Variants in IFT88 observed in about 807,000 individuals in gnomAD.
The protein encoded by IFT88 is intraflagellar transport protein 88 homolog.
IFT88 carries 74 observed loss-of-function variants against 119.5 expected under a neutral mutation model. That is an observed-to-expected ratio of 0.62 (90% confidence interval 0.51 to 0.75). The LOEUF (loss-of-function observed/expected upper bound fraction) is 0.75. Ranked by LOEUF, IFT88 falls within the 30% of genes least tolerant of loss-of-function variation. The probability of loss-of-function intolerance (pLI) is 0.00; values close to 1 mark genes in which losing one functional copy is unlikely to be tolerated. For synonymous variants in IFT88, 279 were observed against 316.7 expected, an observed-to-expected ratio of 0.88 and a Z score of 1.26; for missense variants, 961 against 977.7, an observed-to-expected ratio of 0.98 and a Z score of 0.23.
chr13:20,670,756 T>C (rs1186854873), intron 23 of IFT88, among the ~76,000 whole-genome samples: 1 of 152,104 alleles, frequency 6.6e-6, no homozygotes, highest in Non-Finnish European at 1.5e-5. Flanking sequence ...TAAAGTGCTA[T>C]ACGAGTTTTC....
chr13:20,654,377 G>A (rs551345993), intron 21 of IFT88, among the ~76,000 whole-genome samples: 2 of 152,302 alleles, frequency 1.3e-5, no homozygotes, highest in Admixed American at 1.3e-4. Flanking sequence ...GGCTATCTTG[G>A]TTTGTGTTTT....
Position 20,691,287 on chromosome 13 carries a change from T to A in IFT88, c.*112T>A. 1 of 976,922 alleles carries A rather than the reference T, an allele frequency of 1.0e-6. No individual in the cohort carries two copies. The highest frequency in any genetic ancestry group is 1.5e-6 in the Non-Finnish European group (1 of 676,404). The allele number at this position is 976,922 out of a possible 1,614,324, so 60.5% of individuals were successfully genotyped here. On this transcript the variant is annotated 3_prime_UTR_variant, in exon 26 of 26. Coordinates refer to ENST00000351808, the MANE Select transcript of IFT88 (RefSeq NM_006531.5). ...ATTATTTTTTTTCACTGTCAAAACT[T>A]AAGTAAGTGTATTCTATTCTGTATG...
chr13:20,630,885 G>T, intron 15 of IFT88, 131 bp from the exon 16 acceptor site: 25 of 500,042 alleles, frequency 5.0e-5, no homozygotes, highest in South Asian at 2.6e-4. Flanking sequence ...CTGTTTTCTT[G>T]AACATCTTAA....
chr13:20,673,343 A>T (rs1011097193), intron 24 of IFT88, among the ~76,000 whole-genome samples: 1 of 152,150 alleles, frequency 6.6e-6, no homozygotes, highest in African/African-American at 2.4e-5. Context: ...TCCTAATGGG[A>T]TGTGATAGAA....
intron 19 of IFT88, 78 bp from the exon 20 acceptor site, chr13:20,644,765 C>A: frequency 3.1e-6 from 2 of 651,224 alleles, no homozygotes; most frequent in Non-Finnish European, 5.5e-6. Context: ...TAAATTTATT[C>A]AATAGGTAAA....
intron 16 of IFT88, among the ~76,000 whole-genome samples, chr13:20,632,708 C>T (rs1206812924): frequency 6.6e-6 from 1 of 152,190 alleles, no homozygotes; most frequent in South Asian, 2.1e-4. Context: ...TTTGTACTTA[C>T]AGCATTGTAT....
intron 16 of IFT88, chr13:20,631,460 C>G (rs921126873): frequency 5.9e-5 from 11 of 187,596 alleles, no homozygotes; most frequent in Non-Finnish European, 1.0e-4. Context: ...TACAGAGTAT[C>G]AACTCTAACA....
chr13:20,587,585 G>A (rs185689607), intron 3 of IFT88, among the ~76,000 whole-genome samples: 144 of 152,180 alleles, frequency 9.5e-4, no homozygotes, highest in Non-Finnish European at 1.6e-3. Context: ...ATGAGAAAGC[G>A]TGATCAATTC....
At chr13:20,607,526 G>A (rs924454764) in intron 13 of IFT88, 6 of 697,504 alleles carry the variant, frequency 8.6e-6, no homozygotes, top group Admixed American at 3.9e-5. Context: ...AGGCCGCCAC[G>A]CTGTGCTTCT....
chr13:20,572,037 C>CTT (rs36049043), intron 1 of IFT88, among the ~76,000 whole-genome samples: 18 of 151,764 alleles, frequency 1.2e-4, no homozygotes, highest in Non-Finnish European at 2.4e-4. Context: ...GCTTTGATAT[C>CTT]TTTTTTTCTG....
At chr13:20,653,217 G>A (rs750193312) in intron 20 of IFT88, among the ~76,000 whole-genome samples, 1 of 152,196 alleles carries the variant, frequency 6.6e-6, no homozygotes, top group African/African-American at 2.4e-5. Context: ...CCAGTAGGTA[G>A]GTTTGCCATC....
intron 7 of IFT88, 125 bp from the exon 8 acceptor site, chr13:20,596,025 G>A (rs370826221): frequency 4.1e-5 from 10 of 245,296 alleles, no homozygotes; most frequent in East Asian, 2.0e-4. Context: ...ACTGCACTCC[G>A]TCCTGGGCAA....
At chr13:20,678,836 A>G (rs1444993114) in intron 24 of IFT88, among the ~76,000 whole-genome samples, 10 of 152,288 alleles carry the variant, frequency 6.6e-5, no homozygotes, top group Middle Eastern at 3.4e-3. Context: ...TACTTCTCGC[A>G]AGATTTGGGA....
chr13:20,643,396 G>T, intron 18 of IFT88, 59 bp from the exon 19 acceptor site: 1 of 1,322,898 alleles, frequency 7.6e-7, no homozygotes. Flanking sequence ...TGTTTTTTAA[G>T]TTTGCTTATT....
At chr13:20,567,785 A>G in intron 1 of IFT88, 1 of 1,338,820 alleles carries the variant, frequency 7.5e-7, no homozygotes, top group Non-Finnish European at 9.6e-7. Flanking sequence ...AAAAACGTGA[A>G]GTACTGTTGT....
intron 15 of IFT88, 118 bp from the exon 16 acceptor site, chr13:20,630,898 C>T: frequency 9.2e-6 from 5 of 543,164 alleles, no homozygotes; most frequent in South Asian, 7.1e-5. Context: ...CATCTTAATC[C>T]ACCCCTTTTG....
intron 24 of IFT88, among the ~76,000 whole-genome samples, chr13:20,674,135 T>G (rs764863063): frequency 1.3e-5 from 2 of 152,152 alleles, no homozygotes; most frequent in Non-Finnish European, 2.9e-5. Flanking sequence ...TCTCCAGTTC[T>G]CAGCACAGGC....
chr13:20,640,414 A>C (rs2049720046), intron 17 of IFT88, among the ~76,000 whole-genome samples: 1 of 151,698 alleles, frequency 6.6e-6, no homozygotes, highest in African/African-American at 2.4e-5. Context: ...TCTACTAAAA[A>C]TATAAAAAAT....
intron 14 of IFT88, among the ~76,000 whole-genome samples, chr13:20,622,063 G>T (rs1399622211): frequency 6.6e-6 from 1 of 152,090 alleles, no homozygotes; most frequent in East Asian, 1.9e-4. Context: ...CAATGCTTGG[G>T]ACCAGAAGTG....
Sources: allele counts gnomAD v4.1 joint callset (sites outside exome capture counted in the v4.1 genomes callset), GRCh38; gene constraint gnomAD v4.1.1; transcripts MANE v1.5; gene names NCBI Gene and HGNC (gene_info 2026-07-23, HGNC 2026-07-21).